CAMLG: variants seen among roughly 807,000 people sequenced by gnomAD.
CAMLG encodes the protein calcium modulating ligand.
A neutral mutation model predicts 28.9 loss-of-function variants in CAMLG; 23 were observed. The ratio of observed to expected loss-of-function variants is 0.80; its 90% CI spans 0.57 to 1.13. CAMLG has a LOEUF of 1.13. Among genes scored for constraint, CAMLG ranks in the 50% most tolerant of loss-of-function variants. CAMLG has a pLI of 0.00. For missense variants in CAMLG, 367 were observed against 371.9 expected, an observed-to-expected ratio of 0.99 and a Z score of 0.11; for synonymous variants, 141 against 146.5, an observed-to-expected ratio of 0.96 and a Z score of 0.27.
At chr5:134,740,759 G>A (rs1439150385) in intron 1 of CAMLG, among the ~76,000 whole-genome samples, 4 of 152,108 alleles carry the variant, frequency 2.6e-5, no homozygotes, top group East Asian at 3.9e-4. Flanking sequence ...ACAGACACAC[G>A]CCACCACACC....
intron 3 of CAMLG, among the ~76,000 whole-genome samples, chr5:134,746,350 A>G (rs1457694404): frequency 6.6e-6 from 1 of 152,184 alleles, no homozygotes; most frequent in Non-Finnish European, 1.5e-5. Flanking sequence ...CTGAAAGACT[A>G]TACATGAAAT....
Position 134,741,213 on chromosome 5 carries a change from C to T in CAMLG, c.323C>T (p.Thr108Ile), listed in dbSNP as rs1752978514. Reference protein sequence around the residue: ...QQGGVAEVKGTQLGDKLDSFI... With the variant: ...QQGGVAEVKGIQLGDKLDSFI... ...GGTGGTGTGGCCGAGGTAAAGGGGACCCAACTGGGAGACAAATTGGACTCG... is the reference window on the plus strand; with the variant it reads ...GGTGGTGTGGCCGAGGTAAAGGGGATCCAACTGGGAGACAAATTGGACTCG... Residue 108 changes from threonine to isoleucine, a missense_variant, in exon 2 of 4, where the codon ACC (threonine) becomes ATC (isoleucine). Physicochemically the swap from Thr to Ile is moderately conservative, Grantham distance 89. Transcript: ENST00000297156. 1 of 1,614,084 alleles carries T rather than the reference C, an allele frequency of 6.2e-7. No individual in the cohort carries two copies. The highest frequency in any genetic ancestry group is 8.5e-7 in the Non-Finnish European group (1 of 1,180,024).
intron 3 of CAMLG, among the ~76,000 whole-genome samples, chr5:134,745,186 C>G (rs1441517711): frequency 6.6e-6 from 1 of 151,818 alleles, no homozygotes; most frequent in East Asian, 1.9e-4. Flanking sequence ...GCCTGTAATC[C>G]CAGCACTTAG....
In CAMLG at chr5:134,748,321, C is replaced by T. The variant is rs1376380364; in HGVS notation, c.700-2438C>T. Among the ~76,000 whole-genome samples the T allele has an allele frequency of 3.9e-5, 6 of 152,204 alleles. No individual in the cohort carries two copies. The South Asian group carries it at 1.0e-3, about 26-fold the overall frequency. On this transcript the variant is annotated intron_variant, in intron 3 of 3. Coordinates refer to ENST00000297156, the MANE Select transcript of CAMLG (RefSeq NM_001745.4). ...CAGCACTTTGGGAGGCCGAGATGGG[C>T]GGATCACCTGAAGTCAGGAGTTCAA...
chr5:134,741,655 ATAT>A (rs1752985868), intron 2 of CAMLG, 132 bp downstream of exon 2: 2 of 644,210 alleles, frequency 3.1e-6, no homozygotes, highest in East Asian at 2.7e-5. Flanking sequence ...GTTTGAAGAT[ATAT>A]TATTAACTTT....
At chr5:134,744,355 C>T (rs1753020592) in intron 3 of CAMLG, among the ~76,000 whole-genome samples, 1 of 152,068 alleles carries the variant, frequency 6.6e-6, no homozygotes. Context: ...GCAACCCCAT[C>T]TCTGCTAAAA....
intron 2 of CAMLG, among the ~76,000 whole-genome samples, chr5:134,742,841 C>T (rs142457884): frequency 0.022 from 3,288 of 152,068 alleles, 127 homozygotes; most frequent in African/African-American, 0.076. Flanking sequence ...TGGGTTCAAG[C>T]GATTCTCCTG....
rs1055871188 is a variant in CAMLG at position 134,750,832 on chromosome 5, A to G, written c.773A>G (p.Asn258Ser). The change falls in exon 4 of 4, where the codon AAT becomes AGT. Residue 258 changes from asparagine (N) to serine (S), a missense_variant. Asn to Ser is a conservative substitution (Grantham distance 46). Transcript: ENST00000297156. The stretch of plus-strand genomic sequence containing the variant: ...TCGGGAATTCCTGCCGAAGTGATAA[A>G]TCGATCAATGGATACCTATAGCAAA... ...LLSGIPAEVI[N>S]RSMDTYSKMG... 6.2e-7 allele frequency: 1 copy of G among 1,613,924 alleles called. No homozygotes were observed. Among genetic ancestry groups the G allele is most frequent in the East Asian group, 2.2e-5 (1 of 44,868 alleles).
chr5:134,745,754 A>C (rs1375420916), intron 3 of CAMLG, among the ~76,000 whole-genome samples: 1 of 151,832 alleles, frequency 6.6e-6, no homozygotes, highest in Non-Finnish European at 1.5e-5. Flanking sequence ...CTGTCTCAAA[A>C]AAAAAAAAAG....
rs1185849617 is a variant in CAMLG, at chr5:134,741,300, G to A, written c.410G>A (p.Gly137Glu). ...VNLELRQRNR[G>E]DLTADSVQRG... ...CTTGAGCTCCGGCAGCGGAACAGAG[G>A]GGACCTGACAGCGGACTCGGTCCAG... Residue 137 changes from glycine to glutamate, a missense_variant, in exon 2 of 4, where the codon GGG becomes GAG. Transcript: ENST00000297156. 10 of 1,614,016 alleles carry A rather than the reference G, an allele frequency of 6.2e-6. No individual in the cohort carries two copies. Among genetic ancestry groups the A allele is most frequent in the Non-Finnish European group, 7.6e-6 (9 of 1,180,018 alleles).
chr5:134,739,381 G>A (rs1306718744), intron 1 of CAMLG, among the ~76,000 whole-genome samples: 5 of 152,132 alleles, frequency 3.3e-5, no homozygotes, highest in Non-Finnish European at 5.9e-5. Flanking sequence ...TAGAAAAGGT[G>A]GGAAAAGTGA....
At chr5:134,740,497 C>T in intron 1 of CAMLG, among the ~76,000 whole-genome samples, 1 of 152,202 alleles carries the variant, frequency 6.6e-6, no homozygotes, top group East Asian at 1.9e-4. Flanking sequence ...AGTTTGTCTA[C>T]TAATCTTATC....
At chr5:134,750,393 C>T (rs566924260) in intron 3 of CAMLG, among the ~76,000 whole-genome samples, 1 of 152,118 alleles carries the variant, frequency 6.6e-6, no homozygotes, top group Non-Finnish European at 1.5e-5. Context: ...CAAAAATTAG[C>T]CGGGCATGGT....
chr5:134,751,027 C>A lies in CAMLG; in HGVS notation c.*77C>A. On this transcript the variant is annotated 3_prime_UTR_variant, in exon 4 of 4. Transcript: ENST00000297156. ...TATATTGCAGTGTCTCTAAAGGAGG[C>A]AAATTGGTTTACACCTTCATGTAAT... is the stretch of plus-strand genomic sequence containing the variant. The A allele has an allele frequency of 2.7e-6, 3 of 1,110,874 alleles. No homozygotes were observed. Among genetic ancestry groups the A allele is most frequent in the Non-Finnish European group, 3.9e-6 (3 of 772,110 alleles). The allele number at this position is 1,110,874 out of a possible 1,614,324, so 68.8% of individuals were successfully genotyped here.
At chr5:134,743,480 G>A (rs917139229) in intron 2 of CAMLG, among the ~76,000 whole-genome samples, 19 of 152,180 alleles carry the variant, frequency 1.2e-4, no homozygotes, top group Non-Finnish European at 2.9e-5. Context: ...TGAGGCAGGA[G>A]AATTGCTTGG....
intron 1 of CAMLG, among the ~76,000 whole-genome samples, chr5:134,739,553 A>G (rs1436223648): frequency 6.6e-6 from 1 of 152,152 alleles, no homozygotes; most frequent in Non-Finnish European, 1.5e-5. Flanking sequence ...CTTTAAAAAA[A>G]ATTTATTTCA....
At chr5:134,747,491 C>A (rs1243779770) in intron 3 of CAMLG, among the ~76,000 whole-genome samples, 1 of 151,904 alleles carries the variant, frequency 6.6e-6, no homozygotes, top group Non-Finnish European at 1.5e-5. Context: ...CTACAGGCGC[C>A]CGCCATCACG....
chr5:134,743,932 T>C, intron 2 of CAMLG, 55 bp from the exon 3 acceptor site: 2 of 783,434 alleles, frequency 2.6e-6, no homozygotes, highest in South Asian at 3.2e-5. Context: ...GTTTGATTTA[T>C]TGTGATTTGA....
At chr5:134,750,025 T>C (rs1561843432) in intron 3 of CAMLG, among the ~76,000 whole-genome samples, 1 of 152,218 alleles carries the variant, frequency 6.6e-6, no homozygotes, top group East Asian at 1.9e-4. Flanking sequence ...TTTTTAATTT[T>C]ACTTCCTCTG....
Sources: allele counts gnomAD v4.1 joint callset (sites outside exome capture counted in the v4.1 genomes callset), GRCh38; gene constraint gnomAD v4.1.1; transcripts MANE v1.5; gene names NCBI Gene and HGNC (gene_info 2026-07-23, HGNC 2026-07-21).